Variants in LHFPL3 observed in about 807,000 individuals in gnomAD.
The protein encoded by LHFPL3 is LHFPL tetraspan subfamily member 3 protein.
LHFPL3 carries 5 observed loss-of-function variants against 19.3 expected under a neutral mutation model. The observed-to-expected ratio is 0.26, with a 90% CI of 0.14 to 0.54. The LOEUF (loss-of-function observed/expected upper bound fraction) is 0.54. Among genes scored for constraint, LHFPL3 ranks in the 20% least tolerant of loss-of-function variants. LHFPL3 has a pLI of 0.94. For missense variants in LHFPL3, 249 were observed against 307.4 expected, an observed-to-expected ratio of 0.81 and a Z score of 1.42; for synonymous variants, 133 against 126.2, an observed-to-expected ratio of 1.05 and a Z score of -0.36.
At chr7:104,547,339 A>G (rs1794594367) in intron 1 of LHFPL3, among the ~76,000 whole-genome samples, 1 of 151,404 alleles carries the variant, frequency 6.6e-6, no homozygotes, top group African/African-American at 2.4e-5. Flanking sequence ...GAATTAATGT[A>G]TTCATCTGTC....
rs980836508 is a variant in LHFPL3, at chr7:104,429,228, C to T, written c.445+100004C>T. Among the ~76,000 whole-genome samples, 6 of 150,370 alleles carry T rather than the reference C, an allele frequency of 4.0e-5. No homozygotes were observed. In the South Asian group the frequency reaches 1.3e-3, roughly 31 times the overall value. ...ATTTTAAAAACAGCATAAAAAATAC[C>T]AGAGCGTAGCAATAATTTAACCTCC... On this transcript the variant is annotated intron_variant, in intron 1 of 2. Coordinates refer to ENST00000424859, the MANE Select transcript of LHFPL3 (RefSeq NM_199000.3).
intron 1 of LHFPL3, among the ~76,000 whole-genome samples, chr7:104,582,814 T>C (rs1438314367): frequency 6.6e-6 from 1 of 151,968 alleles, no homozygotes; most frequent in African/African-American, 2.4e-5. Flanking sequence ...ATTATCTTTT[T>C]AATATATTAT....
At chr7:104,398,787 G>C (rs946725912) in intron 1 of LHFPL3, among the ~76,000 whole-genome samples, 1 of 152,234 alleles carries the variant, frequency 6.6e-6, no homozygotes, top group Middle Eastern at 3.4e-3. Flanking sequence ...TCACTCTTCT[G>C]TTCTTCGCTG....
chr7:104,417,884 CTTT>C (rs762794916), intron 1 of LHFPL3, among the ~76,000 whole-genome samples: 6 of 117,756 alleles, frequency 5.1e-5, no homozygotes, highest in East Asian at 2.3e-4. Flanking sequence ...TCTTCTTCTT[CTTT>C]TTTTTTTTTT....
At chr7:104,807,454 T>C (rs1472651805) in intron 2 of LHFPL3, among the ~76,000 whole-genome samples, 2 of 152,316 alleles carry the variant, frequency 1.3e-5, no homozygotes, top group East Asian at 1.9e-4. Context: ...CCGTTTGTGG[T>C]ACTTTGTTAC....
At chr7:104,562,540 C>T (rs1043536538) in intron 1 of LHFPL3, among the ~76,000 whole-genome samples, 5 of 152,008 alleles carry the variant, frequency 3.3e-5, no homozygotes, top group African/African-American at 1.2e-4. Flanking sequence ...CCATCAGCTC[C>T]TTTAAGCACT....
chr7:104,335,814 C>T (rs965277929), intron 1 of LHFPL3, among the ~76,000 whole-genome samples: 2 of 147,314 alleles, frequency 1.4e-5, no homozygotes, highest in African/African-American at 2.5e-5. Flanking sequence ...GTATATTGCA[C>T]TGTATGTACA....
At chr7:104,491,154 G>T (rs62485107) in intron 1 of LHFPL3, among the ~76,000 whole-genome samples, 55,897 of 151,618 alleles carry the variant, frequency 0.37, 11,530 homozygotes, top group Middle Eastern at 0.51. Context: ...TTAGACCAGA[G>T]GCTGTAACAC....
At chr7:104,698,077 C>T (rs368088254) in intron 1 of LHFPL3, among the ~76,000 whole-genome samples, 22 of 152,198 alleles carry the variant, frequency 1.4e-4, no homozygotes, top group African/African-American at 3.6e-4. Flanking sequence ...GCTAGAGGAA[C>T]GTGCTCAGCA....
intron 1 of LHFPL3, among the ~76,000 whole-genome samples, chr7:104,339,494 G>A (rs1325438390): frequency 2.6e-5 from 4 of 152,196 alleles, no homozygotes; most frequent in Admixed American, 1.3e-4. Flanking sequence ...CTAAGTCTGA[G>A]AGAGATTCAG....
chr7:104,392,895 T>A (rs1425261279), intron 1 of LHFPL3, among the ~76,000 whole-genome samples: 1 of 152,216 alleles, frequency 6.6e-6, no homozygotes, highest in Non-Finnish European at 1.5e-5. Flanking sequence ...GGGATTCAAC[T>A]TCTTCCTGGT....
intron 1 of LHFPL3, chr7:104,668,302 G>C (rs1489862654): frequency 6.2e-7 from 1 of 1,605,672 alleles, no homozygotes; most frequent in African/African-American, 1.3e-5. Flanking sequence ...CCTCCTTTTG[G>C]CCGTGATAGA....
At chr7:104,655,698 G>A (rs1792109146) in intron 1 of LHFPL3, among the ~76,000 whole-genome samples, 1 of 152,154 alleles carries the variant, frequency 6.6e-6, no homozygotes, top group Admixed American at 6.5e-5. Context: ...CTTGCAGTGG[G>A]ATTTTAACTT....
chr7:104,490,804 T>C lies in LHFPL3; in HGVS notation c.445+161580T>C, dbSNP rs143860963. On this transcript the variant is annotated intron_variant, in intron 1 of 2. Coordinates refer to ENST00000424859, the MANE Select transcript of LHFPL3 (RefSeq NM_199000.3). ...TGTAATATGAAAACTGAGGCTTCTC[T>C]ATCTAATAGCACTCTCTGGAATTCA... is the stretch of plus-strand genomic sequence containing the variant. Among the ~76,000 whole-genome samples the C allele has an allele frequency of 3.3e-5, 5 of 152,358 alleles. No individual in the cohort carries two copies. The East Asian group carries it at 9.6e-4, about 29-fold the overall frequency.
intron 2 of LHFPL3, among the ~76,000 whole-genome samples, chr7:104,742,676 G>A (rs919603399): frequency 6.6e-6 from 1 of 152,144 alleles, no homozygotes; most frequent in African/African-American, 2.4e-5. Context: ...TGCAGGGCAT[G>A]ACCAAATGTC....
At chr7:104,491,588 G>A (rs1351058542) in intron 1 of LHFPL3, among the ~76,000 whole-genome samples, 1 of 152,086 alleles carries the variant, frequency 6.6e-6, no homozygotes, top group Non-Finnish European at 1.5e-5. Context: ...CTGCAGGGGA[G>A]TTAATCAGAT....
chr7:104,710,058 C>T (rs902941218), intron 1 of LHFPL3, among the ~76,000 whole-genome samples: 6 of 152,212 alleles, frequency 3.9e-5, no homozygotes, highest in Non-Finnish European at 7.3e-5. Flanking sequence ...AGCGAGACTC[C>T]GTCTGCAATC....
chr7:104,755,688 C>G (rs965581633), intron 2 of LHFPL3, among the ~76,000 whole-genome samples: 11 of 151,698 alleles, frequency 7.3e-5, no homozygotes, highest in East Asian at 1.9e-4. Context: ...TTGTTTGTTT[C>G]TTTGTTTGTT....
intron 1 of LHFPL3, among the ~76,000 whole-genome samples, chr7:104,472,037 G>A (rs1792918501): frequency 6.6e-6 from 1 of 151,922 alleles, no homozygotes; most frequent in Non-Finnish European, 1.5e-5. Context: ...AATTAGCCGA[G>A]GGTGGGGCGT....
Sources: gnomAD v4.1 joint callset for allele counts (sites outside exome capture counted in the v4.1 genomes callset) on GRCh38, gnomAD v4.1.1 for gene constraint, MANE v1.5 for transcripts, NCBI Gene and HGNC (gene_info 2026-07-23, HGNC 2026-07-21) for gene names.